Variants in PCDH15 observed in about 807,000 individuals in gnomAD.
PCDH15 encodes protocadherin-15.
PCDH15 carries 129 observed loss-of-function variants against 178.5 expected under a neutral mutation model. That is an observed-to-expected ratio of 0.72 (90% CI 0.63 to 0.84). The LOEUF (loss-of-function observed/expected upper bound fraction) is 0.84, where lower values mean the gene tolerates loss of function less well. PCDH15 is among the 40% of genes least tolerant of loss of function. The pLI, the probability that PCDH15 is intolerant of heterozygous loss-of-function variation, is 0.00. For synonymous variants in PCDH15, 800 were observed against 732.0 expected, an observed-to-expected ratio of 1.09 and a Z score of -1.50; for missense variants, 2,230 against 2,099.9, an observed-to-expected ratio of 1.06 and a Z score of -1.21.
chr10:55,614,379 T>C (rs958759867), intron 2 of PCDH15, among the ~76,000 whole-genome samples: 4 of 152,090 alleles, frequency 2.6e-5, no homozygotes, highest in Admixed American at 6.6e-5. Flanking sequence ...GTTATTTTGG[T>C]TTCACAGTGA....
intron 21 of PCDH15, among the ~76,000 whole-genome samples, chr10:53,963,418 T>C (rs1009831222): frequency 1.3e-5 from 2 of 152,158 alleles, no homozygotes; most frequent in East Asian, 1.9e-4. Flanking sequence ...TTCTGGCTAC[T>C]AAATGTTGGA....
At chr10:54,522,557 A>C (rs775000912) in intron 3 of PCDH15, among the ~76,000 whole-genome samples, 5 of 152,126 alleles carry the variant, frequency 3.3e-5, no homozygotes, top group Admixed American at 6.5e-5. Flanking sequence ...AAACAGCATC[A>C]CTGCCTCCTC....
intron 2 of PCDH15, among the ~76,000 whole-genome samples, chr10:55,617,873 C>T (rs1024139703): frequency 2.0e-5 from 3 of 151,892 alleles, no homozygotes; most frequent in African/African-American, 7.3e-5. Flanking sequence ...CTAAACTTTT[C>T]AGTTAATTTT....
intron 2 of PCDH15, among the ~76,000 whole-genome samples, chr10:55,437,845 T>G (rs1839080993): frequency 1.3e-5 from 2 of 148,414 alleles, no homozygotes; most frequent in South Asian, 4.2e-4. Flanking sequence ...TTTTTTTTTT[T>G]TTTTTTTTTC....
At chr10:54,500,496 C>T (rs558899366) in intron 3 of PCDH15, among the ~76,000 whole-genome samples, 6 of 152,022 alleles carry the variant, frequency 3.9e-5, no homozygotes, top group Non-Finnish European at 7.4e-5. Context: ...GATTTACTGT[C>T]ACTTAGGAGA....
At chr10:54,839,992 C>G (rs1953389527) in intron 3 of PCDH15, among the ~76,000 whole-genome samples, 2 of 151,952 alleles carry the variant, frequency 1.3e-5, no homozygotes. Flanking sequence ...AAAAAACACA[C>G]ATGAACACAC....
At chr10:55,390,719 C>T (rs562154677) in intron 2 of PCDH15, among the ~76,000 whole-genome samples, 2 of 152,296 alleles carry the variant, frequency 1.3e-5, no homozygotes, top group South Asian at 4.1e-4. Flanking sequence ...AGAATGGATG[C>T]TGTGTGAACA....
chr10:55,517,071 AACT>A (rs1195096265), intron 2 of PCDH15, among the ~76,000 whole-genome samples: 1 of 152,094 alleles, frequency 6.6e-6, no homozygotes, highest in East Asian at 1.9e-4. Flanking sequence ...CTCACTAAAG[AACT>A]ACTAAGGGTA....
At chr10:54,812,273 C>CTTT (rs529215060) in intron 3 of PCDH15, among the ~76,000 whole-genome samples, 7 of 134,762 alleles carry the variant, frequency 5.2e-5, no homozygotes, top group African/African-American at 8.2e-5. Flanking sequence ...CTTCCTCTTC[C>CTTT]TTTTTTTTTT....
At chr10:54,100,234 G>A (rs4381285) in intron 15 of PCDH15, among the ~76,000 whole-genome samples, 85,138 of 151,630 alleles carry the variant, frequency 0.56, 24,991 homozygotes, top group Middle Eastern at 0.66. Flanking sequence ...GCGTAGTGGT[G>A]TGCATTTGTA....
chr10:54,624,080 A>G (rs2093468753), intron 2 of PCDH15, among the ~76,000 whole-genome samples: 1 of 152,226 alleles, frequency 6.6e-6, no homozygotes, highest in South Asian at 2.1e-4. Context: ...TTATAAAGTC[A>G]TAAGGTGATA....
At chr10:54,632,836 T>C (rs1175469148) in intron 2 of PCDH15, among the ~76,000 whole-genome samples, 6 of 152,080 alleles carry the variant, frequency 3.9e-5, no homozygotes. Flanking sequence ...ACCTGAATAC[T>C]ACCTCAAAGG....
intron 10 of PCDH15, among the ~76,000 whole-genome samples, chr10:54,198,748 G>A (rs892191769): frequency 1.1e-5 from 1 of 95,024 alleles, no homozygotes; most frequent in Non-Finnish European, 1.9e-5. Flanking sequence ...TGATCCGCCC[G>A]CCTCGGCCTC....
intron 2 of PCDH15, among the ~76,000 whole-genome samples, chr10:54,630,817 CAAAT>C: frequency 6.6e-6 from 1 of 152,094 alleles, no homozygotes; most frequent in South Asian, 2.1e-4. Context: ...AGTGAAAAAA[CAAAT>C]AAGCTCATTG....
chr10:55,501,967 A>C lies in PCDH15; in HGVS notation c.-156+125658T>G, dbSNP rs538912738. Among the ~76,000 whole-genome samples, 5 of 151,862 alleles carry C rather than the reference A, an allele frequency of 3.3e-5. No individual in the cohort carries two copies. The South Asian group carries it at 1.0e-3, about 31-fold the overall frequency. On this transcript the variant is annotated intron_variant, in intron 2 of 5. Transcript: ENST00000613346. ...GCCAAATTTTTAAAAATATTTAAAA[A>C]TGTTTTTTTTCTTATGTAATTTCTT...
intron 26 of PCDH15, among the ~76,000 whole-genome samples, chr10:53,869,970 C>T (rs1316705417): frequency 6.6e-6 from 1 of 152,104 alleles, no homozygotes; most frequent in Admixed American, 6.6e-5. Flanking sequence ...CAATTTTGCA[C>T]TGTAAGATTC....
At chr10:54,850,140 T>C (rs1953590497) in intron 3 of PCDH15, among the ~76,000 whole-genome samples, 1 of 152,174 alleles carries the variant, frequency 6.6e-6, no homozygotes, top group Non-Finnish European at 1.5e-5. Flanking sequence ...ATATATGGCA[T>C]AAAACGATTT....
chr10:54,313,166 T>C (rs977350253), intron 8 of PCDH15, among the ~76,000 whole-genome samples: 6 of 152,120 alleles, frequency 3.9e-5, no homozygotes, highest in African/African-American at 1.4e-4. Flanking sequence ...CTCCTTTTTT[T>C]ACTGGCAAGA....
chr10:55,589,081 CAAAAAAAA>C (rs35940637), intron 2 of PCDH15, among the ~76,000 whole-genome samples: 27 of 81,172 alleles, frequency 3.3e-4, no homozygotes, highest in African/African-American at 1.1e-3. Flanking sequence ...AATTCCGTGT[CAAAAAAAA>C]AAAAAAAAAA....
Sources: gnomAD v4.1 joint callset for allele counts (sites outside exome capture counted in the v4.1 genomes callset) on GRCh38, gnomAD v4.1.1 for gene constraint, MANE v1.5 for transcripts, NCBI Gene and HGNC (gene_info 2026-07-23, HGNC 2026-07-21) for gene names.